Variants in ROBO2 observed in about 807,000 individuals in gnomAD.
ROBO2 encodes roundabout homolog 2.
ROBO2 carries 53 observed loss-of-function variants against 160.8 expected under a neutral mutation model. The ratio of observed to expected loss-of-function variants is 0.33; its 90% CI spans 0.26 to 0.41. ROBO2 has a LOEUF of 0.41. ROBO2 is among the 10% of genes least tolerant of loss of function. The probability of loss-of-function intolerance (pLI) is 1.00; values close to 1 mark genes in which losing one functional copy is unlikely to be tolerated. For synonymous variants in ROBO2, 664 were observed against 611.7 expected, an observed-to-expected ratio of 1.09 and a Z score of -1.26; for missense variants, 1,577 against 1,722.4, an observed-to-expected ratio of 0.92 and a Z score of 1.49.
At chr3:77,407,585 T>C (rs2076353290) in intron 2 of ROBO2, among the ~76,000 whole-genome samples, 1 of 152,208 alleles carries the variant, frequency 6.6e-6, no homozygotes, top group Non-Finnish European at 1.5e-5. Context: ...GCCTAAGGTT[T>C]CTCCATCACT....
At chr3:76,737,429 A>G (rs1292451320) in intron 2 of ROBO2, among the ~76,000 whole-genome samples, 1 of 152,170 alleles carries the variant, frequency 6.6e-6, no homozygotes, top group East Asian at 1.9e-4. Context: ...TTGGAATCCA[A>G]CAATAGGAAA....
At chr3:77,224,170 C>T (rs930913001) in intron 2 of ROBO2, among the ~76,000 whole-genome samples, 1 of 151,878 alleles carries the variant, frequency 6.6e-6, no homozygotes, top group African/African-American at 2.4e-5. Context: ...GTGTTTTTGA[C>T]AAATGTGATG....
chr3:76,791,165 A>G (rs1442602608), intron 2 of ROBO2, among the ~76,000 whole-genome samples: 7 of 151,800 alleles, frequency 4.6e-5, no homozygotes, highest in Admixed American at 3.3e-4. Flanking sequence ...AGTTGGAATG[A>G]CTTGGAGTGT....
intron 2 of ROBO2, among the ~76,000 whole-genome samples, chr3:75,953,316 A>C (rs1402748825): frequency 1.3e-5 from 2 of 151,948 alleles, no homozygotes; most frequent in Admixed American, 1.3e-4. Context: ...TCATGTAATA[A>C]TATCTCACTG....
At chr3:77,622,075 T>C (rs1425831198) in intron 22 of ROBO2, 152 bp from the exon 24 acceptor site, 7 of 662,982 alleles carry the variant, frequency 1.1e-5, no homozygotes, top group Middle Eastern at 4.1e-4. Flanking sequence ...TTCGTAGCCA[T>C]TGTTTCTGCT....
rs574905994 is a variant in ROBO2, at chr3:76,728,065, C to T, written c.110-369949C>T. 4.8e-4 allele frequency among the ~76,000 whole-genome samples: 72 copies of T among 151,250 alleles called. No homozygotes were observed. The Middle Eastern group carries it at 0.01, about 21-fold the overall frequency. Reference sequence around the variant, plus strand: ...TTAATATTTATAAATGAAAAAACACCGAGAAATGAAGGACAAGTAACCTAT... The same window carrying T: ...TTAATATTTATAAATGAAAAAACACTGAGAAATGAAGGACAAGTAACCTAT... On this transcript the variant is annotated intron_variant, in intron 2 of 26. Transcript: ENST00000487694.
intron 2 of ROBO2, among the ~76,000 whole-genome samples, chr3:77,271,540 T>C (rs1463669418): frequency 6.6e-6 from 1 of 152,348 alleles, no homozygotes; most frequent in Non-Finnish European, 1.5e-5. Context: ...GAATTCAGCA[T>C]AAAGTGTGAT....
chr3:76,329,596 A>G (rs1345865320), intron 2 of ROBO2, among the ~76,000 whole-genome samples: 3 of 152,160 alleles, frequency 2.0e-5, no homozygotes, highest in African/African-American at 7.2e-5. Flanking sequence ...AGTTATCTTC[A>G]CCTGTCCACT....
intron 22 of ROBO2, chr3:77,618,047 A>G: frequency 2.2e-6 from 1 of 458,058 alleles, no homozygotes; most frequent in Non-Finnish European, 4.0e-6. Context: ...CAAGAATTCA[A>G]ATCTGCTGTA....
At chr3:76,886,913 C>T (rs780325642) in intron 2 of ROBO2, among the ~76,000 whole-genome samples, 2 of 152,166 alleles carry the variant, frequency 1.3e-5, no homozygotes, top group Non-Finnish European at 2.9e-5. Flanking sequence ...TAGCCACATT[C>T]GAAGTGTTCA....
intron 2 of ROBO2, among the ~76,000 whole-genome samples, chr3:76,381,975 T>C (rs1451850774): frequency 2.0e-5 from 3 of 152,194 alleles, no homozygotes; most frequent in East Asian, 3.9e-4. Flanking sequence ...TTTTGTTTTC[T>C]ATTGTTTTGT....
At chr3:76,467,585 A>C (rs1022770845) in intron 2 of ROBO2, among the ~76,000 whole-genome samples, 1 of 152,124 alleles carries the variant, frequency 6.6e-6, no homozygotes, top group African/African-American at 2.4e-5. Flanking sequence ...ACAATTTAAC[A>C]GCCAGCTGTC....
At chr3:76,434,426 G>C in intron 2 of ROBO2, 3 of 1,567,430 alleles carry the variant, frequency 1.9e-6, no homozygotes, top group South Asian at 1.1e-5. Context: ...CCTGGGCTGG[G>C]TGGCTATGGC....
At chr3:77,079,462 AC>A (rs2068389420) in intron 1 of ROBO2, among the ~76,000 whole-genome samples, 2 of 152,180 alleles carry the variant, frequency 1.3e-5, no homozygotes, top group African/African-American at 4.8e-5. Context: ...TCATGTGGCT[AC>A]ATTGAATAAG....
intron 2 of ROBO2, among the ~76,000 whole-genome samples, chr3:76,286,706 C>A (rs564596072): frequency 6.6e-6 from 1 of 152,006 alleles, no homozygotes; most frequent in Non-Finnish European, 1.5e-5. Flanking sequence ...TGGAAAGGTG[C>A]TGTAAAAATA....
chr3:76,520,223 G>A (rs1489468920), intron 2 of ROBO2, among the ~76,000 whole-genome samples: 1 of 152,172 alleles, frequency 6.6e-6, no homozygotes, highest in Non-Finnish European at 1.5e-5. Context: ...GGCCGAGGCA[G>A]GCGGATCACC....
At chr3:77,635,150 A>G in intron 24 of ROBO2, 107 bp downstream of exon 25, 2 of 1,242,056 alleles carry the variant, frequency 1.6e-6, no homozygotes, top group Non-Finnish European at 2.3e-6. Context: ...GCTTCATTAC[A>G]TAACAAGACA....
At chr3:76,072,563 T>C (rs2068497695) in intron 2 of ROBO2, among the ~76,000 whole-genome samples, 1 of 152,082 alleles carries the variant, frequency 6.6e-6, no homozygotes, top group South Asian at 2.1e-4. Context: ...AAGCTTAGTT[T>C]TTTTGTTTTT....
chr3:76,499,889 C>A (rs559834140), intron 2 of ROBO2, among the ~76,000 whole-genome samples: 1 of 151,848 alleles, frequency 6.6e-6, no homozygotes, highest in South Asian at 2.1e-4. Context: ...CAAGCTAGCC[C>A]GTGTGTGTGC....
Sources: gnomAD v4.1 joint callset for allele counts (sites outside exome capture counted in the v4.1 genomes callset) on GRCh38, gnomAD v4.1.1 for gene constraint, MANE v1.5 for transcripts, NCBI Gene and HGNC (gene_info 2026-07-23, HGNC 2026-07-21) for gene names.